SLC17A4: variants seen among roughly 807,000 people sequenced by gnomAD.
The protein encoded by SLC17A4 is solute carrier family 17 member 4, also known as probable small intestine urate exporter.
A neutral mutation model predicts 52.5 loss-of-function variants in SLC17A4; 33 were observed. The ratio of observed to expected loss-of-function variants is 0.63; its 90% confidence interval spans 0.48 to 0.84. The LOEUF is 0.84. SLC17A4 is among the 40% of genes least tolerant of loss of function. The pLI is 0.00. For missense variants in SLC17A4, 585 were observed against 597.1 expected (o/e 0.98, Z 0.21); for synonymous variants, 225 against 216.2 (o/e 1.04, Z -0.36).
At chr6:25,765,438 C>A (rs1289867418) in intron 2 of SLC17A4, among the ~76,000 whole-genome samples, 2 of 152,240 alleles carry the variant, frequency 1.3e-5, no homozygotes, top group Non-Finnish European at 2.9e-5. Context: ...AAAGAGGTAG[C>A]AGCTGGATTT....
chr6:25,778,831 G>C (rs1304692313), intron 11 of SLC17A4, among the ~76,000 whole-genome samples: 2 of 152,204 alleles, frequency 1.3e-5, no homozygotes, highest in African/African-American at 2.4e-5. Flanking sequence ...GAAGATGTGA[G>C]ACAAATAGGT....
rs780017589 is a variant in SLC17A4 at position 25,776,861 on chromosome 6, C to A, written c.1170C>A (p.Ser390=). Reference sequence around the variant, plus strand: ...TCGTGTCCCTGCCCTGGGTCAGATCCAGCCACAGCATGACCATGACCTTCT... The same window carrying A: ...TCGTGTCCCTGCCCTGGGTCAGATCAAGCCACAGCATGACCATGACCTTCT... ...VILVSLPWVR[S]SHSMTMTFLV... Residue 390 remains serine, a synonymous_variant, in exon 10 of 12, where the codon TCC becomes TCA. Coordinates refer to ENST00000377905, the MANE Select transcript of SLC17A4 (RefSeq NM_005495.3). 6.2e-7 allele frequency: 1 copy of A among 1,613,994 alleles called. No homozygotes were observed. Among genetic ancestry groups the A allele is most frequent in the African/African-American group, 1.3e-5 (1 of 75,026 alleles).
At chr6:25,756,630 G>T (rs1220261289) in intron 1 of SLC17A4, among the ~76,000 whole-genome samples, 2 of 152,024 alleles carry the variant, frequency 1.3e-5, no homozygotes, top group Non-Finnish European at 2.9e-5. Flanking sequence ...TCTCATTAAC[G>T]CCAGCAAAAC....
chr6:25,760,004 T>C (rs1021057782), intron 1 of SLC17A4, among the ~76,000 whole-genome samples: 2 of 152,232 alleles, frequency 1.3e-5, no homozygotes, highest in Non-Finnish European at 2.9e-5. Context: ...GCTGTGCTTA[T>C]TAGTCTCTGG....
chr6:25,777,739 A>G (rs988501667), intron 10 of SLC17A4, 187 bp from the exon 11 acceptor site: 2 of 573,974 alleles, frequency 3.5e-6, no homozygotes, highest in Non-Finnish European at 3.1e-6. Context: ...TGGTCAGTAC[A>G]TTTCATTCAG....
chr6:25,759,598 T>C (rs577313745), intron 1 of SLC17A4, among the ~76,000 whole-genome samples: 16 of 152,158 alleles, frequency 1.1e-4, no homozygotes, highest in Admixed American at 1.0e-3. Flanking sequence ...TTTTGTCTGA[T>C]GTAAGAATAG....
intron 8 of SLC17A4, among the ~76,000 whole-genome samples, chr6:25,775,108 T>C (rs1762791711): frequency 6.6e-6 from 1 of 152,134 alleles, no homozygotes; most frequent in African/African-American, 2.4e-5. Context: ...GGCAGGTGGA[T>C]CATCTGAGGT....
chr6:25,775,740 A>G (rs1762855721), intron 8 of SLC17A4, among the ~76,000 whole-genome samples: 1 of 152,100 alleles, frequency 6.6e-6, no homozygotes, highest in Non-Finnish European at 1.5e-5. Flanking sequence ...AATTTCCTAT[A>G]TATATTCTTT....
rs181670269 is a variant in SLC17A4, at chr6:25,771,004, A to G, written c.698A>G (p.Tyr233Cys). The change falls in exon 6 of 12, where the codon TAT becomes TGT. Residue 233 changes from tyrosine (Y) to cysteine (C), a missense_variant. Physicochemically the swap from Tyr to Cys is radical, Grantham distance 194. Coordinates refer to ENST00000377905, the MANE Select transcript of SLC17A4 (RefSeq NM_005495.3). ...ACCATAGGATGGCCTTACGTCTTCT[A>G]TATCTTTGGTGAGTGTGCTTTTCAA... ...CQTIGWPYVF[Y>C]IFGGIGCACC... is the part of the protein sequence containing the mutation. The G allele has an allele frequency of 1.9e-6, 3 of 1,613,466 alleles. No homozygotes were observed. The highest frequency in any genetic ancestry group is 1.3e-5 in the African/African-American group (1 of 74,996).
At chr6:25,759,504 G>A (rs1761342592) in intron 1 of SLC17A4, among the ~76,000 whole-genome samples, 1 of 152,054 alleles carries the variant, frequency 6.6e-6, no homozygotes, top group Non-Finnish European at 1.5e-5. Context: ...TATATATTTA[G>A]GATTGTGATA....
intron 10 of SLC17A4, chr6:25,777,207 T>A (rs1408902721): frequency 4.4e-6 from 2 of 456,548 alleles, no homozygotes; most frequent in Admixed American, 7.6e-5. Context: ...TGAGGGAGAC[T>A]CACACAAACC....
rs370664049 is a variant in SLC17A4 at position 25,773,324 on chromosome 6, T to C, written c.756T>C (p.Asp252=). The stretch of plus-strand genomic sequence containing the variant: ...CTCTCTGGTTTCCTCTCATTTATGA[T>C]GATCCTGTGAATCATCCCTTTATCA... The part of the protein sequence containing the change: ...CCPLWFPLIY[D]DPVNHPFISA... Residue 252 remains aspartate, a synonymous_variant, in exon 7 of 12, where the codon GAT becomes GAC. Coordinates refer to ENST00000377905, the MANE Select transcript of SLC17A4 (RefSeq NM_005495.3). 2.4e-5 allele frequency: 38 copies of C among 1,613,888 alleles called. 1 individual carries two copies. Among genetic ancestry groups the C allele is most frequent in the Middle Eastern group, 1.6e-4 (1 of 6,078 alleles).
chr6:25,778,893 T>C (rs79672074), intron 11 of SLC17A4, among the ~76,000 whole-genome samples, 161 bp from the exon 12 acceptor site: 8,810 of 152,250 alleles, frequency 0.058, 723 homozygotes, highest in African/African-American at 0.18. Flanking sequence ...TTTGGACTCA[T>C]GGCAGAAATG....
intron 2 of SLC17A4, chr6:25,768,440 G>A: frequency 1.0e-6 from 1 of 963,378 alleles, no homozygotes; most frequent in Non-Finnish European, 1.2e-6. Flanking sequence ...TTTTGTGTAA[G>A]CATAGATTAT....
chr6:25,775,269 T>A (rs1288336937), intron 8 of SLC17A4, among the ~76,000 whole-genome samples: 1 of 151,482 alleles, frequency 6.6e-6, no homozygotes, highest in African/African-American at 2.4e-5. Flanking sequence ...GAGGTGGAGG[T>A]TTCAGTGAGC....
intron 8 of SLC17A4, 61 bp downstream of exon 8, chr6:25,773,735 T>C: frequency 1.9e-6 from 3 of 1,547,946 alleles, no homozygotes; most frequent in Non-Finnish European, 2.6e-6. Flanking sequence ...TGAGAGCTCA[T>C]ATATAATCCT....
At position 25,766,245 on chromosome 6, in the gene SLC17A4, A is replaced by C. The variant is rs551710235; in HGVS notation, c.92-2740A>C. On this transcript the variant is annotated intron_variant, in intron 2 of 11. Coordinates refer to ENST00000377905, the MANE Select transcript of SLC17A4 (RefSeq NM_005495.3). ...TATACATGTCAAAAAACAACTAAGAAATGAAGAAAATTGTCAAAAAGTTAT... is the reference window on the plus strand; with the variant it reads ...TATACATGTCAAAAAACAACTAAGACATGAAGAAAATTGTCAAAAAGTTAT... Among the ~76,000 whole-genome samples the C allele has an allele frequency of 4.6e-5, 7 of 151,860 alleles. No individual in the cohort carries two copies. The East Asian group carries it at 1.3e-3, about 29-fold the overall frequency.
At chr6:25,773,244 A>G (rs1390770604) in intron 6 of SLC17A4, 31 bp from the exon 7 acceptor site, 4 of 1,539,800 alleles carry the variant, frequency 2.6e-6, no homozygotes, top group African/African-American at 1.4e-5. Context: ...ACTTCAATCC[A>G]TCCAGTGCTA....
At chr6:25,777,046 G>T in intron 10 of SLC17A4, 87 bp downstream of exon 10, 1 of 1,435,112 alleles carries the variant, frequency 7.0e-7, no homozygotes, top group Non-Finnish European at 9.4e-7. Flanking sequence ...GTAAAATGTG[G>T]CAGGTACAAC....
Sources: gnomAD v4.1 joint callset for allele counts (sites outside exome capture counted in the v4.1 genomes callset) on GRCh38, gnomAD v4.1.1 for gene constraint, MANE v1.5 for transcripts, NCBI Gene and HGNC (gene_info 2026-07-23, HGNC 2026-07-21) for gene names.